The following GJC1 variants were observed in gnomAD, a reference collection of about 807,000 sequenced individuals.
GJC1 encodes gap junction gamma-1 protein.
In GJC1, 5 loss-of-function variants were observed where a neutral mutation model predicts 29.3. The observed-to-expected ratio is 0.17, with a 90% confidence interval of 0.09 to 0.36. GJC1 has a LOEUF of 0.36. Ranked by LOEUF, GJC1 falls within the 10% of genes least tolerant of loss-of-function variation. The probability of loss-of-function intolerance (pLI) is 1.00; values close to 1 mark genes in which losing one functional copy is unlikely to be tolerated. For missense variants in GJC1, 310 were observed against 496.2 expected (o/e 0.62, Z 3.56); for synonymous variants, 177 against 183.3 (o/e 0.97, Z 0.28).
At chr17:44,827,704 G>A (rs1471322786) in intron 1 of GJC1, among the ~76,000 whole-genome samples, 3 of 152,022 alleles carry the variant, frequency 2.0e-5, no homozygotes, top group African/African-American at 4.8e-5. Context: ...AGGCCGAGGC[G>A]GGAGGATCAC....
At chr17:44,819,105 C>T (rs1272255816) in intron 1 of GJC1, among the ~76,000 whole-genome samples, 1 of 151,942 alleles carries the variant, frequency 6.6e-6, no homozygotes, top group Non-Finnish European at 1.5e-5. Context: ...AAGTATTAAA[C>T]ACATTCATAG....
chr17:44,819,575 G>C (rs762077399), intron 1 of GJC1, among the ~76,000 whole-genome samples: 1 of 151,628 alleles, frequency 6.6e-6, no homozygotes. Flanking sequence ...GGAGAACAGC[G>C]TGAACCCAGG....
Position 44,798,701 on chromosome 17 carries a change from T to C in GJC1, c.*5926A>G, listed in dbSNP as rs2049803837. On this transcript the variant is annotated 3_prime_UTR_variant, in exon 3 of 3. Transcript: ENST00000592524. ...AATTATCTTAAAAGGCTGGAAGTCC[T>C]AGCTAAGTTTTCAATATCAATATGC... 1 of 152,242 alleles carries C rather than the reference T, an allele frequency of 6.6e-6. No homozygotes were observed. Among genetic ancestry groups the C allele is most frequent in the Admixed American group, 6.5e-5 (1 of 15,284 alleles). 9.4% of individuals were successfully genotyped at this position (152,242 alleles called of 1,614,324 possible). A position where few individuals can be genotyped will look rare whatever the true frequency, so the allele number is the denominator to read the frequency against.
At chr17:44,812,906 C>T (rs1452359167) in intron 1 of GJC1, 1 of 152,170 alleles carries the variant, frequency 6.6e-6, no homozygotes, top group Non-Finnish European at 1.5e-5. Context: ...CTCGGCCTCC[C>T]AAAGTGCTGG....
rs1228723603 is a variant in GJC1, at chr17:44,804,717, C to T, written c.1101G>A (p.Glu367=). The T allele has an allele frequency of 3.7e-6, 6 of 1,614,094 alleles. No homozygotes were observed. Among genetic ancestry groups the T allele is most frequent in the Non-Finnish European group, 5.1e-6 (6 of 1,180,048 alleles). ...SHQNNPHGPR[E]KKAKVGSKAG... The stretch of plus-strand genomic sequence containing the variant: ...CTTTGGACCCCACTTTGGCCTTCTT[C>T]TCCCGGGGACCATGAGGGTTGTTTT... The change falls in exon 3 of 3, where the codon GAG becomes GAA. Residue 367 remains glutamate (E), a synonymous_variant. Coordinates refer to ENST00000592524, the MANE Select transcript of GJC1 (RefSeq NM_005497.4).
intron 1 of GJC1, among the ~76,000 whole-genome samples, chr17:44,812,537 A>T: frequency 6.6e-6 from 1 of 152,122 alleles, no homozygotes; most frequent in East Asian, 1.9e-4. Flanking sequence ...AAAACCCATA[A>T]TCACAGCTAC....
rs1485926187 is a variant in GJC1, at chr17:44,805,422, C to G, written c.396G>C (p.Glu132Asp). 2.5e-6 allele frequency: 4 copies of G among 1,614,162 alleles called. No individual in the cohort carries two copies. Among genetic ancestry groups the G allele is most frequent in the Non-Finnish European group, 3.4e-6 (4 of 1,180,032 alleles). Residue 132 changes from glutamate (E) to aspartate (D), a missense_variant, in exon 3 of 3, where the codon GAG (glutamate) becomes GAC (aspartate). Glu to Asp is a conservative substitution (Grantham distance 45). Coordinates refer to ENST00000592524, the MANE Select transcript of GJC1 (RefSeq NM_005497.4). The surrounding 1 kb of genome is among the most constrained non-coding windows in gnomAD (Gnocchi z 5.1). Reference sequence around the variant, plus strand: ...ACATCATAGGATCCTCTTCGTTGTCCTCCTCCGTTTCTTCCAGAGCCCGGT... The same window carrying G: ...ACATCATAGGATCCTCTTCGTTGTCGTCCTCCGTTTCTTCCAGAGCCCGGT... ...KQHRALEETE[E>D]DNEEDPMMYP... is the part of the protein sequence containing the mutation.
At chr17:44,830,431 G>A (rs191799937), upstream of GJC1, among the ~76,000 whole-genome samples, 174 of 152,206 alleles carry the variant, frequency 1.1e-3, no homozygotes, top group Non-Finnish European at 1.8e-3. The surrounding 1 kb of genome is among the most constrained non-coding windows in gnomAD (Gnocchi z 4.3). Flanking sequence ...TTCCGCGGTC[G>A]AGTCCTCGCC....
intron 1 of GJC1, among the ~76,000 whole-genome samples, chr17:44,823,168 TA>T (rs1263110870): frequency 1.3e-5 from 2 of 151,740 alleles, no homozygotes; most frequent in African/African-American, 2.4e-5. Flanking sequence ...AGGATAAGAA[TA>T]GGGGTGTGTG....
intron 1 of GJC1, among the ~76,000 whole-genome samples, chr17:44,826,308 G>A (rs1231460973): frequency 7.2e-5 from 11 of 152,070 alleles, no homozygotes. Context: ...CGAGGTGGCC[G>A]GATCATGAGA....
At position 44,801,632 on chromosome 17, in the gene GJC1, T is replaced by G. The variant is rs2049847922; in HGVS notation, c.*2995A>C. The G allele has an allele frequency of 1.3e-5, 2 of 151,930 alleles. No homozygotes were observed. Among genetic ancestry groups the G allele is most frequent in the South Asian group, 4.2e-4 (2 of 4,802 alleles). 9.4% of individuals were successfully genotyped at this position (151,930 alleles called of 1,614,324 possible). A position where few individuals can be genotyped will look rare whatever the true frequency, so the allele number is the denominator to read the frequency against. ...CTTTTTTTTTTTTTGAGACAAGAGTTTCACTCTGTCTTGCAGGCTGGAGTG... is the reference window on the plus strand; with the variant it reads ...CTTTTTTTTTTTTTGAGACAAGAGTGTCACTCTGTCTTGCAGGCTGGAGTG... On this transcript the variant is annotated 3_prime_UTR_variant, in exon 3 of 3. Transcript: ENST00000592524.
intron 1 of GJC1, chr17:44,829,810 C>G (rs1477244499): frequency 6.6e-6 from 1 of 152,094 alleles, no homozygotes; most frequent in Non-Finnish European, 1.5e-5. Flanking sequence ...ATTTGGGAGC[C>G]GCGCGCCTGG....
rs1378129168 is a variant in GJC1 at position 44,799,690 on chromosome 17, G to A, written c.*4937C>T. 2 of 152,276 alleles carry A rather than the reference G, an allele frequency of 1.3e-5. No homozygotes were observed. Among genetic ancestry groups the A allele is most frequent in the Non-Finnish European group, 2.9e-5 (2 of 68,056 alleles). 9.4% of individuals were successfully genotyped at this position (152,276 alleles called of 1,614,324 possible). A position where few individuals can be genotyped will look rare whatever the true frequency, so the allele number is the denominator to read the frequency against. Reference sequence around the variant, plus strand: ...TCCCAGCACCTTCGGAGGCTGTGATGGGAGGATTGCTTGGGCCCAGGAGTT... The same window carrying A: ...TCCCAGCACCTTCGGAGGCTGTGATAGGAGGATTGCTTGGGCCCAGGAGTT... On this transcript the variant is annotated 3_prime_UTR_variant, in exon 3 of 3. Transcript: ENST00000592524.
In GJC1 at chr17:44,799,547, T is replaced by C. The variant is rs982051010; in HGVS notation, c.*5080A>G. 2 of 148,818 alleles carry C rather than the reference T, an allele frequency of 1.3e-5. No homozygotes were observed. Among genetic ancestry groups the C allele is most frequent in the African/African-American group, 5.0e-5 (2 of 40,030 alleles). 9.2% of individuals were successfully genotyped at this position (148,818 alleles called of 1,614,324 possible). ...TTGGACTCCTGATTTTAGAATACCA[T>C]GGTTTCTTTTAAAAAAAAAAAAAAG... On this transcript the variant is annotated 3_prime_UTR_variant, in exon 3 of 3. Coordinates refer to ENST00000592524, the MANE Select transcript of GJC1 (RefSeq NM_005497.4).
chr17:44,800,953 A>G lies in GJC1; in HGVS notation c.*3674T>C, dbSNP rs2049837084. The G allele has an allele frequency of 3.3e-5, 5 of 149,974 alleles. 1 individual carries two copies. In the South Asian group the frequency reaches 1.1e-3, roughly 32 times the overall value. The allele number at this position is 149,974 out of a possible 1,614,324, so 9.3% of individuals were successfully genotyped here. ...TTAACCAAAAAAAAAAAAAAAGCCTATTTCTTTTACAAATCTTCTGAATAA... is the reference window on the plus strand; with the variant it reads ...TTAACCAAAAAAAAAAAAAAAGCCTGTTTCTTTTACAAATCTTCTGAATAA... On this transcript the variant is annotated 3_prime_UTR_variant, in exon 3 of 3. Coordinates refer to ENST00000592524, the MANE Select transcript of GJC1 (RefSeq NM_005497.4).
At chr17:44,829,225 A>T (rs1216603894) in intron 1 of GJC1, among the ~76,000 whole-genome samples, 1 of 152,074 alleles carries the variant, frequency 6.6e-6, no homozygotes, top group African/African-American at 2.4e-5. Flanking sequence ...TCCCAATCAG[A>T]CAATCGCAAA....
In GJC1 at chr17:44,804,719, C is replaced by T. The variant is rs2049891640; in HGVS notation, c.1099G>A (p.Glu367Lys). 4 of 1,614,086 alleles carry T rather than the reference C, an allele frequency of 2.5e-6. No individual in the cohort carries two copies. The highest frequency in any genetic ancestry group is 3.4e-6 in the Non-Finnish European group (4 of 1,180,046). ...TTGGACCCCACTTTGGCCTTCTTCT[C>T]CCGGGGACCATGAGGGTTGTTTTGG... ...SHQNNPHGPR[E>K]KKAKVGSKAG... The change falls in exon 3 of 3, where the codon GAG becomes AAG. Residue 367 changes from glutamate to lysine, a missense_variant. Glu to Lys is a moderately conservative substitution (Grantham distance 56). Coordinates refer to ENST00000592524, the MANE Select transcript of GJC1 (RefSeq NM_005497.4).
Position 44,804,980 on chromosome 17 carries a change from T to A in GJC1, c.838A>T (p.Thr280Ser), listed in dbSNP as rs757874259. Residue 280 changes from threonine to serine, a missense_variant, in exon 3 of 3, where the codon ACT becomes TCT. Thr to Ser is a moderately conservative substitution (Grantham distance 58). Around this residue, in one of 4 missense-constraint regions of GJC1, gnomAD observed 146 missense variants for 165.0 expected, o/e 0.88. Transcript: ENST00000592524. ...GGGGGAGCAGATGGTGTATTCCAAGTGAAAGGATAATTATAAGCACCCGGA... is the reference window on the plus strand; with the variant it reads ...GGGGGAGCAGATGGTGTATTCCAAGAGAAAGGATAATTATAAGCACCCGGA... ...EDPGAYNYPF[T>S]WNTPSAPPGY... 2.0e-5 allele frequency: 33 copies of A among 1,613,880 alleles called. No individual in the cohort carries two copies. Among genetic ancestry groups the A allele is most frequent in the Admixed American group, 1.3e-4 (8 of 59,972 alleles).
rs1356433048 is a variant in GJC1, at chr17:44,801,596, TTTC to T, written c.*3028_*3030del. The T allele has an allele frequency of 2.6e-5, 4 of 151,534 alleles. No homozygotes were observed. Among genetic ancestry groups the T allele is most frequent in the African/African-American group, 4.9e-5 (2 of 40,974 alleles). 9.4% of individuals were successfully genotyped at this position (151,534 alleles called of 1,614,324 possible). On this transcript the variant is annotated 3_prime_UTR_variant, in exon 3 of 3. Transcript: ENST00000592524. Reference sequence around the variant, plus strand: ...GTTAGCTAGACATCAACAGGCTCACTTTCTTTTTTTCTTTTTTTTTTTTTGAGA... The same window carrying T: ...GTTAGCTAGACATCAACAGGCTCACTTTTTTTTCTTTTTTTTTTTTTGAGA...
Sources: allele counts gnomAD v4.1 joint callset (sites outside exome capture counted in the v4.1 genomes callset), GRCh38; gene constraint gnomAD v4.1.1; regional missense constraint gnomAD v4.1.1; non-coding constraint Gnocchi (gnomAD v3.1); transcripts MANE v1.5; gene names NCBI Gene and HGNC (gene_info 2026-07-23, HGNC 2026-07-21).